TCTN2: variants seen among roughly 807,000 people sequenced by gnomAD.
TCTN2 encodes the protein tectonic family member 2.
TCTN2 carries 66 observed loss-of-function variants against 83.4 expected under a neutral mutation model. The ratio of observed to expected loss-of-function variants is 0.79; its 90% confidence interval spans 0.65 to 0.97. The LOEUF is 0.97. TCTN2 is among the 50% of genes least tolerant of loss of function. The probability of loss-of-function intolerance (pLI) is 0.00; values close to 1 mark genes in which losing one functional copy is unlikely to be tolerated. For missense variants in TCTN2, 794 were observed against 858.1 expected, an observed-to-expected ratio of 0.93 and a Z score of 0.93; for synonymous variants, 301 against 326.7, an observed-to-expected ratio of 0.92 and a Z score of 0.85.
intron 14 of TCTN2, among the ~76,000 whole-genome samples, chr12:123,701,364 G>A (rs1055427366): frequency 5.3e-5 from 8 of 152,098 alleles, no homozygotes; most frequent in South Asian, 2.1e-4. Flanking sequence ...AGAAACCATC[G>A]AATTGCACAC....
At chr12:123,695,556 G>C (rs1376866092) in intron 11 of TCTN2, 1 of 344,424 alleles carries the variant, frequency 2.9e-6, no homozygotes, top group South Asian at 3.7e-5. Context: ...TGAGTAGCTG[G>C]GATTACAGGT....
chr12:123,683,392 G>A (rs748132275), intron 5 of TCTN2, among the ~76,000 whole-genome samples: 1 of 148,036 alleles, frequency 6.8e-6, no homozygotes, highest in Non-Finnish European at 1.5e-5. Flanking sequence ...CATTCCTCCC[G>A]CCTTGGCCTC....
At chr12:123,699,614 A>G (rs1956148598) in intron 13 of TCTN2, 90 bp from the exon 14 acceptor site, 2 of 1,077,752 alleles carry the variant, frequency 1.9e-6, no homozygotes. Flanking sequence ...TAATTTAGGC[A>G]CTCGGAAGTG....
At chr12:123,696,196 G>A (rs1339707432) in intron 11 of TCTN2, 1 of 555,022 alleles carries the variant, frequency 1.8e-6, no homozygotes, top group East Asian at 3.2e-5. Flanking sequence ...TACATAGTCT[G>A]TTGTACATAG....
In TCTN2 at chr12:123,686,858, C is replaced by A; in HGVS notation, c.587C>A (p.Thr196Lys). The A allele has an allele frequency of 6.2e-7, 1 of 1,614,210 alleles. No homozygotes were observed. The highest frequency in any genetic ancestry group is 8.5e-7 in the Non-Finnish European group (1 of 1,180,038). Residue 196 changes from threonine (T) to lysine (K), a missense_variant, in exon 6 of 18, where the codon ACG (threonine) becomes AAG (lysine). Physicochemically the swap from Thr to Lys is moderately conservative, Grantham distance 78 (BLOSUM62 -1). Transcript: ENST00000303372. Reference sequence around the variant, plus strand: ...CAGGAATGCTCATCAAATTTAACAACGCTGTTCAGACGGTCCTGCTTCACC... The same window carrying A: ...CAGGAATGCTCATCAAATTTAACAAAGCTGTTCAGACGGTCCTGCTTCACC... ...CDQECSSNLT[T>K]LFRRSCFTGV...
At position 123,676,396 on chromosome 12, in the gene TCTN2, G is replaced by A. The variant is rs575656021; in HGVS notation, c.463+2586G>A. On this transcript the variant is annotated intron_variant, in intron 4 of 17. Transcript: ENST00000303372. ...ATTCTGGCTAACACGGTGAAACCCC[G>A]TCTCTACTAAAAATACAAAAAATTA... Among the ~76,000 whole-genome samples, 9 of 151,810 alleles carry A rather than the reference G, an allele frequency of 5.9e-5. No homozygotes were observed. In the South Asian group the frequency reaches 1.2e-3, roughly 21 times the overall value.
intron 5 of TCTN2, among the ~76,000 whole-genome samples, chr12:123,682,613 C>A (rs973946953): frequency 6.6e-6 from 1 of 152,024 alleles, no homozygotes; most frequent in Non-Finnish European, 1.5e-5. Flanking sequence ...TCCTGAGTAG[C>A]TGGGATTACA....
rs868710719 is a variant in TCTN2, at chr12:123,695,298, G to T, written c.1312+1G>T. ...GAAGAAGAATTATCTGGAAATCCAG[G>T]TAAGATGAGTATATGCCAGTCATTG... On this transcript the variant is annotated splice_donor_variant, in intron 11 of 17. Transcript: ENST00000303372. LOFTEE classifies it high-confidence loss of function. 1.9e-6 allele frequency: 3 copies of T among 1,558,534 alleles called. No individual in the cohort carries two copies. Among genetic ancestry groups the T allele is most frequent in the Non-Finnish European group, 2.7e-6 (3 of 1,129,684 alleles).
chr12:123,688,202 T>C (rs1314048197), intron 7 of TCTN2, 25 bp downstream of exon 7: 2 of 1,596,232 alleles, frequency 1.3e-6, no homozygotes, highest in Non-Finnish European at 8.5e-7. Flanking sequence ...ATTAGTATGC[T>C]AGACCGTTCT....
chr12:123,702,521 G>T (rs1208607070), intron 14 of TCTN2, among the ~76,000 whole-genome samples: 1 of 138,074 alleles, frequency 7.2e-6, no homozygotes. Flanking sequence ...CTTGGGGAGG[G>T]AGTCCTGTTG....
intron 7 of TCTN2, among the ~76,000 whole-genome samples, 180 bp from the exon 8 acceptor site, chr12:123,690,353 A>T (rs1235997506): frequency 3.9e-5 from 6 of 152,200 alleles, no homozygotes; most frequent in Admixed American, 3.9e-4. Flanking sequence ...CCAGACCTTG[A>T]TGGGCAAATC....
chr12:123,699,364 A>C (rs540553837), intron 13 of TCTN2, among the ~76,000 whole-genome samples: 22 of 152,036 alleles, frequency 1.4e-4, no homozygotes, highest in African/African-American at 5.1e-4. Context: ...CCTGTTGCCC[A>C]GGCTGGTCTT....
chr12:123,677,578 A>G (rs1194993241), intron 4 of TCTN2, among the ~76,000 whole-genome samples: 1 of 152,186 alleles, frequency 6.6e-6, no homozygotes, highest in Non-Finnish European at 1.5e-5. Context: ...TTCAAAGAGG[A>G]AAACAAGTTC....
chr12:123,696,568 A>C lies in TCTN2; in HGVS notation c.1393+73A>C, dbSNP rs1956112380. ...AGAAGTATTACCATATTTTGAATCT[A>C]ATCAAGCAATCAATTATTTTAAAGC... On this transcript the variant is annotated intron_variant, in intron 12 of 17. Transcript: ENST00000303372. 8.4e-6 allele frequency: 11 copies of C among 1,311,260 alleles called. No individual in the cohort carries two copies. In the South Asian group the frequency reaches 1.2e-4, roughly 14 times the overall value. The allele number at this position is 1,311,260 out of a possible 1,614,324, so 81.2% of individuals were successfully genotyped here.
Position 123,695,271 on chromosome 12 carries a change from A to T in TCTN2, c.1286A>T (p.Asn429Ile), listed in dbSNP as rs777826491. 6.3e-6 allele frequency: 10 copies of T among 1,580,126 alleles called. No homozygotes were observed. Among genetic ancestry groups the T allele is most frequent in the Non-Finnish European group, 5.2e-6 (6 of 1,149,336 alleles). The change falls in exon 11 of 18, where the codon AAT becomes ATT. Residue 429 changes from asparagine to isoleucine, a missense_variant. Coordinates refer to ENST00000303372, the MANE Select transcript of TCTN2 (RefSeq NM_024809.5). ...VVKFLSYNSG[N>I]EEELSGNPGY... Reference sequence around the variant, plus strand: ...AAATTTTTAAGCTATAATAGTGGTAATGAAGAAGAATTATCTGGAAATCCA... The same window carrying T: ...AAATTTTTAAGCTATAATAGTGGTATTGAAGAAGAATTATCTGGAAATCCA...
intron 5 of TCTN2, among the ~76,000 whole-genome samples, chr12:123,680,885 G>T (rs566081069): frequency 1.3e-5 from 2 of 152,026 alleles, no homozygotes; most frequent in African/African-American, 4.8e-5. Context: ...TATCTCTTTG[G>T]ATAAAATCAT....
At chr12:123,693,018 C>CTTTTTT (rs539689505) in intron 9 of TCTN2, among the ~76,000 whole-genome samples, 7 of 53,792 alleles carry the variant, frequency 1.3e-4, no homozygotes, top group East Asian at 5.1e-4. Flanking sequence ...TTAAATAATT[C>CTTTTTT]TTTTTTTTTT....
At chr12:123,686,105 T>C (rs1566251100) in intron 5 of TCTN2, among the ~76,000 whole-genome samples, 2 of 151,634 alleles carry the variant, frequency 1.3e-5, no homozygotes, top group African/African-American at 2.4e-5. Flanking sequence ...TGGAGTGCAG[T>C]GTGTGATCTT....
intron 4 of TCTN2, among the ~76,000 whole-genome samples, chr12:123,677,304 G>A (rs1200558418): frequency 6.6e-6 from 1 of 152,220 alleles, no homozygotes; most frequent in Non-Finnish European, 1.5e-5. Context: ...TACCATTGAT[G>A]TATCATTGAC....
Sources: gnomAD v4.1 joint callset for allele counts (sites outside exome capture counted in the v4.1 genomes callset) on GRCh38, gnomAD v4.1.1 for gene constraint, MANE v1.5 for transcripts, NCBI Gene and HGNC (gene_info 2026-07-23, HGNC 2026-07-21) for gene names.